The following GHITM variants were observed in gnomAD, a reference collection of about 807,000 sequenced individuals.
The protein encoded by GHITM is growth hormone inducible transmembrane protein.
In GHITM, 24 loss-of-function variants were observed where a neutral mutation model predicts 38.7. That is an observed-to-expected ratio of 0.62 (90% confidence interval 0.45 to 0.87). The LOEUF is 0.87. Ranked by LOEUF, GHITM falls within the 40% of genes least tolerant of loss-of-function variation. GHITM has a pLI of 0.00. For missense variants in GHITM, 420 were observed against 429.8 expected (o/e 0.98, Z 0.20); for synonymous variants, 154 against 147.8 (o/e 1.04, Z -0.30).
intron 3 of GHITM, among the ~76,000 whole-genome samples, chr10:84,143,206 G>A (rs374433986): frequency 3.3e-5 from 5 of 152,266 alleles, no homozygotes; most frequent in African/African-American, 1.2e-4. Context: ...TGCCAGTTTG[G>A]TTCAGTTTGG....
rs1841505264 is a variant in GHITM at position 84,141,444 on chromosome 10, G to A, written c.-39-18G>A. 1.3e-6 allele frequency: 2 copies of A among 1,569,008 alleles called. No homozygotes were observed. The highest frequency in any genetic ancestry group is 1.7e-6 in the Non-Finnish European group (2 of 1,145,080). On this transcript the variant is annotated intron_variant, in intron 1 of 8. Transcript: ENST00000372134. ...TACTTATGTTTTTTTGGTTGGTTTT[G>A]CCTTTTTTTTAAACTAGCATTTCAG...
In GHITM at chr10:84,150,230, T is replaced by C; in HGVS notation, c.768T>C (p.Phe256=). The C allele has an allele frequency of 6.2e-7, 1 of 1,606,500 alleles. No homozygotes were observed. The highest frequency in any genetic ancestry group is 8.5e-7 in the Non-Finnish European group (1 of 1,175,978). The change falls in exon 7 of 9, where the codon TTT becomes TTC. Residue 256 remains phenylalanine (F), a synonymous_variant. Transcript: ENST00000372134. ...APLGVGLGLV[F]VSSLGSMFLP... ...TGGGAGTGGGCCTGGGTCTCGTCTTTGTGTCCTCATTGGGTAAGCTGCTGT... is the reference window on the plus strand; with the variant it reads ...TGGGAGTGGGCCTGGGTCTCGTCTTCGTGTCCTCATTGGGTAAGCTGCTGT...
intron 5 of GHITM, among the ~76,000 whole-genome samples, chr10:84,148,209 G>A (rs757636044): frequency 3.3e-5 from 5 of 152,166 alleles, no homozygotes; most frequent in African/African-American, 7.2e-5. Context: ...GGGGGCACTC[G>A]TGCTAACTTA....
In GHITM at chr10:84,141,558, G is replaced by C. The variant is rs371818663; in HGVS notation, c.58G>C (p.Ala20Pro). Residue 20 changes from alanine to proline, a missense_variant, in exon 2 of 9, where the codon GCT becomes CCT. Ala to Pro is a conservative substitution (Grantham distance 27). Coordinates refer to ENST00000372134, the MANE Select transcript of GHITM (RefSeq NM_014394.3). ...RTLPSRVFHP[A>P]FTKASPVVKN... Reference sequence around the variant, plus strand: ...ACTACCTTCTAGGGTTTTCCACCCAGCTTTCACCAAGGCCTCCCCTGTTGT... The same window carrying C: ...ACTACCTTCTAGGGTTTTCCACCCACCTTTCACCAAGGCCTCCCCTGTTGT... 3 of 1,613,534 alleles carry C rather than the reference G, an allele frequency of 1.9e-6. No homozygotes were observed. The highest frequency in any genetic ancestry group is 2.7e-5 in the African/African-American group (2 of 74,902).
At chr10:84,146,243 G>A (rs1841555845) in intron 5 of GHITM, among the ~76,000 whole-genome samples, 1 of 152,164 alleles carries the variant, frequency 6.6e-6, no homozygotes, top group African/African-American at 2.4e-5. Context: ...GTCAAGCTGA[G>A]GAGAGAACCT....
rs1046755161 is a variant in GHITM, at chr10:84,153,230, G to C, written c.*882G>C. The C allele has an allele frequency of 3.9e-5, 6 of 152,124 alleles. No individual in the cohort carries two copies. The highest frequency in any genetic ancestry group is 8.8e-5 in the Non-Finnish European group (6 of 68,030). The allele number at this position is 152,124 out of a possible 1,614,324, so 9.4% of individuals were successfully genotyped here. ...TTATTGAACTGTCTAATTGAATACA[G>C]CTTGCTCTTGTCACCTCTTCAAGCT... On this transcript the variant is annotated 3_prime_UTR_variant, in exon 9 of 9. Transcript: ENST00000372134.
In GHITM at chr10:84,144,949, C is replaced by T. The variant is rs527694289; in HGVS notation, c.416C>T (p.Ala139Val). Residue 139 changes from alanine (A) to valine (V), a missense_variant, in exon 5 of 9, where the codon GCT becomes GTT. Ala to Val is a moderately conservative substitution (Grantham distance 64, BLOSUM62 0). Coordinates refer to ENST00000372134, the MANE Select transcript of GHITM (RefSeq NM_014394.3). The stretch of plus-strand genomic sequence containing the variant: ...TTAGCAGGGAGTATTGGTTTAACAG[C>T]TTTGTCTGCCATAGCAATCAGCAGA... ...MYLAGSIGLTALSAIAISRTP... is the reference protein window; with the variant it reads ...MYLAGSIGLTVLSAIAISRTP... 1.9e-6 allele frequency: 3 copies of T among 1,611,774 alleles called. No individual in the cohort carries two copies. Among genetic ancestry groups the T allele is most frequent in the East Asian group, 2.2e-5 (1 of 44,830 alleles).
At position 84,152,508 on chromosome 10, in the gene GHITM, C is replaced by G; in HGVS notation, c.*160C>G. 1 of 441,308 alleles carries G rather than the reference C, an allele frequency of 2.3e-6. No individual in the cohort carries two copies. Among genetic ancestry groups the G allele is most frequent in the South Asian group, 5.7e-5 (1 of 17,490 alleles). The allele number at this position is 441,308 out of a possible 1,614,324, so 27.3% of individuals were successfully genotyped here. On this transcript the variant is annotated 3_prime_UTR_variant, in exon 9 of 9. Transcript: ENST00000372134. ...CGGTAATGTGATGCCTCAGGTCTGC[C>G]TTTTTTTCTGGAGAATAAATGCAGT...
intron 2 of GHITM, among the ~76,000 whole-genome samples, 184 bp downstream of exon 2, chr10:84,141,813 G>C (rs547381643): frequency 6.6e-6 from 1 of 152,096 alleles, no homozygotes; most frequent in South Asian, 2.1e-4. Context: ...ATATGAAATA[G>C]AAAATGAGTT....
At chr10:84,144,427 C>T (rs1344261319) in intron 4 of GHITM, among the ~76,000 whole-genome samples, 1 of 152,180 alleles carries the variant, frequency 6.6e-6, no homozygotes, top group African/African-American at 2.4e-5. Context: ...GCGATCTTGG[C>T]TCACTGCAAC....
At chr10:84,148,979 T>G in intron 6 of GHITM, 141 bp downstream of exon 6, 1 of 637,882 alleles carries the variant, frequency 1.6e-6, no homozygotes, top group Non-Finnish European at 2.8e-6. Flanking sequence ...ACTGGCTGCA[T>G]TATTGCCAGA....
At chr10:84,147,150 A>G (rs1243371675) in intron 5 of GHITM, among the ~76,000 whole-genome samples, 1 of 152,230 alleles carries the variant, frequency 6.6e-6, no homozygotes, top group African/African-American at 2.4e-5. Flanking sequence ...ATCATAGAAG[A>G]TCTTAAAAAA....
At chr10:84,146,003 C>T (rs1589275775) in intron 5 of GHITM, among the ~76,000 whole-genome samples, 1 of 152,130 alleles carries the variant, frequency 6.6e-6, no homozygotes, top group South Asian at 2.1e-4. Context: ...TGAGACCAAC[C>T]TGAGCAACAT....
intron 7 of GHITM, 126 bp downstream of exon 7, chr10:84,150,369 C>A: frequency 2.8e-6 from 2 of 714,586 alleles, no homozygotes; most frequent in Non-Finnish European, 4.4e-6. Flanking sequence ...GCTAATTTGA[C>A]TGGATTTTAC....
intron 6 of GHITM, among the ~76,000 whole-genome samples, chr10:84,149,581 T>C (rs905867624): frequency 6.6e-6 from 1 of 152,062 alleles, no homozygotes; most frequent in Admixed American, 6.5e-5. Flanking sequence ...CTAAAATTAC[T>C]TATTTATAAG....
chr10:84,151,711 C>T (rs1841613938), intron 8 of GHITM, among the ~76,000 whole-genome samples: 1 of 151,700 alleles, frequency 6.6e-6, no homozygotes, highest in South Asian at 2.1e-4. Flanking sequence ...TTCTTGGAGT[C>T]GACCAAAGTG....
chr10:84,150,986 T>G, intron 8 of GHITM, 106 bp downstream of exon 8: 1 of 723,022 alleles, frequency 1.4e-6, no homozygotes, highest in Non-Finnish European at 2.4e-6. Flanking sequence ...AGGGATACTG[T>G]TAACAAAGTA....
Position 84,152,480 on chromosome 10 carries a change from T to A in GHITM, c.*132T>A. Reference sequence around the variant, plus strand: ...AGAAACATGTCATCATATTTAAATGTTCCGGTAATGTGATGCCTCAGGTCT... The same window carrying A: ...AGAAACATGTCATCATATTTAAATGATCCGGTAATGTGATGCCTCAGGTCT... On this transcript the variant is annotated 3_prime_UTR_variant, in exon 9 of 9. Coordinates refer to ENST00000372134, the MANE Select transcript of GHITM (RefSeq NM_014394.3). The A allele has an allele frequency of 4.0e-6, 2 of 498,830 alleles. No individual in the cohort carries two copies. Among genetic ancestry groups the A allele is most frequent in the Non-Finnish European group, 7.1e-6 (2 of 281,810 alleles). 30.9% of individuals were successfully genotyped at this position (498,830 alleles called of 1,614,324 possible).
chr10:84,146,092 C>T (rs902554687), intron 5 of GHITM, among the ~76,000 whole-genome samples: 5 of 152,006 alleles, frequency 3.3e-5, no homozygotes, highest in East Asian at 1.9e-4. Flanking sequence ...TAGACAAGGG[C>T]GGTCCAATTT....
Sources: allele counts gnomAD v4.1 joint callset (sites outside exome capture counted in the v4.1 genomes callset), GRCh38; gene constraint gnomAD v4.1.1; transcripts MANE v1.5; gene names NCBI Gene and HGNC (gene_info 2026-07-23, HGNC 2026-07-21).